Variants in RASAL2 observed in about 807,000 individuals in gnomAD.
RASAL2 encodes the protein ras GTPase-activating protein nGAP.
RASAL2 carries 58 observed loss-of-function variants against 128.9 expected under a neutral mutation model. The ratio of observed to expected loss-of-function variants is 0.45; its 90% CI spans 0.36 to 0.56. The LOEUF is 0.56. Among genes scored for constraint, RASAL2 ranks in the 20% least tolerant of loss-of-function variants. The pLI, the probability that RASAL2 is intolerant of heterozygous loss-of-function variation, is 0.00. For missense variants in RASAL2, 1,360 were observed against 1,601.6 expected, an observed-to-expected ratio of 0.85 and a Z score of 2.57; for synonymous variants, 561 against 580.8, an observed-to-expected ratio of 0.97 and a Z score of 0.49.
intron 3 of RASAL2, among the ~76,000 whole-genome samples, chr1:178,371,861 T>G (rs1047434878): frequency 3.9e-5 from 6 of 152,226 alleles, no homozygotes; most frequent in African/African-American, 1.2e-4. Context: ...GGAACCTGTT[T>G]CTTTTTCTTT....
At position 178,390,092 on chromosome 1, in the gene RASAL2, T is replaced by C. The variant is rs752286353; in HGVS notation, c.458-8T>C. ...TAATGATGTTTCAACTTTCCTCCTT[T>C]TTTCCAGAGGTACCAGCAGAAAGGT... On this transcript the variant is annotated splice_region_variant and splice_polypyrimidine_tract_variant and intron_variant, in intron 3 of 17. Coordinates refer to ENST00000367649, the MANE Select transcript of RASAL2 (RefSeq NM_170692.4). The C allele has an allele frequency of 2.5e-6, 4 of 1,584,212 alleles. No individual in the cohort carries two copies. Among genetic ancestry groups the C allele is most frequent in the Non-Finnish European group, 3.4e-6 (4 of 1,167,050 alleles).
At chr1:178,290,676 T>G (rs768044317) in intron 2 of RASAL2, among the ~76,000 whole-genome samples, 15 of 152,162 alleles carry the variant, frequency 9.9e-5, no homozygotes, top group Non-Finnish European at 2.1e-4. Flanking sequence ...TTTATTTTTT[T>G]GTTTGTTTTT....
chr1:178,130,630 C>G (rs986740792), intron 1 of RASAL2, among the ~76,000 whole-genome samples: 4 of 152,140 alleles, frequency 2.6e-5, no homozygotes, highest in Non-Finnish European at 4.4e-5. Context: ...TAGTCCTGGT[C>G]TTTAGATGCT....
At chr1:178,246,989 C>A (rs1341543123) in intron 1 of RASAL2, among the ~76,000 whole-genome samples, 2 of 152,092 alleles carry the variant, frequency 1.3e-5, no homozygotes, top group Admixed American at 6.6e-5. Flanking sequence ...TGAGGATTAT[C>A]ACATCGATGT....
At chr1:178,226,034 A>G (rs979832418) in intron 1 of RASAL2, among the ~76,000 whole-genome samples, 2 of 152,176 alleles carry the variant, frequency 1.3e-5, no homozygotes, top group Non-Finnish European at 2.9e-5. Context: ...GGTGAACTTG[A>G]CTGAATTACA....
At chr1:178,151,488 T>C (rs1031082339) in intron 1 of RASAL2, among the ~76,000 whole-genome samples, 10 of 152,330 alleles carry the variant, frequency 6.6e-5, no homozygotes, top group Admixed American at 6.5e-4. Context: ...GATGAAAATG[T>C]TGTGACCAGA....
chr1:178,260,417 A>G (rs1261185332), intron 1 of RASAL2, among the ~76,000 whole-genome samples: 2 of 97,432 alleles, frequency 2.1e-5, no homozygotes. Flanking sequence ...TATATATATG[A>G]TAATAATTTT....
intron 2 of RASAL2, among the ~76,000 whole-genome samples, chr1:178,284,464 G>A (rs908338130): frequency 1.5e-4 from 23 of 152,192 alleles, no homozygotes; most frequent in African/African-American, 4.8e-4. Flanking sequence ...AGGTCAAGAA[G>A]GGCAGAGAGT....
intron 3 of RASAL2, among the ~76,000 whole-genome samples, chr1:178,361,051 C>A (rs1671079876): frequency 1.3e-5 from 2 of 152,078 alleles, no homozygotes; most frequent in South Asian, 4.1e-4. Flanking sequence ...AAATCTTTTT[C>A]TAATTTGTCT....
At chr1:178,287,224 G>GA (rs1324025275) in intron 2 of RASAL2, among the ~76,000 whole-genome samples, 6 of 151,466 alleles carry the variant, frequency 4.0e-5, no homozygotes, top group African/African-American at 1.5e-4. Context: ...TGTATCTGGA[G>GA]AAAATTACAC....
intron 1 of RASAL2, among the ~76,000 whole-genome samples, chr1:178,110,285 C>T (rs1443315267): frequency 6.6e-6 from 1 of 151,704 alleles, no homozygotes; most frequent in Non-Finnish European, 1.5e-5. Flanking sequence ...ACATTAATCC[C>T]TCATTATTTA....
chr1:178,148,825 A>C (rs1660816302), intron 1 of RASAL2, among the ~76,000 whole-genome samples: 1 of 152,160 alleles, frequency 6.6e-6, no homozygotes, highest in Admixed American at 6.5e-5. Context: ...CACTTATATG[A>C]ATATCAATAT....
At chr1:178,394,815 C>T (rs918746685) in intron 4 of RASAL2, among the ~76,000 whole-genome samples, 1 of 152,126 alleles carries the variant, frequency 6.6e-6, no homozygotes, top group East Asian at 1.9e-4. Flanking sequence ...CACTGTGACA[C>T]CTAAGCATTC....
At chr1:178,298,179 A>T (rs1667602700) in intron 2 of RASAL2, among the ~76,000 whole-genome samples, 1 of 152,116 alleles carries the variant, frequency 6.6e-6, no homozygotes, top group South Asian at 2.1e-4. Context: ...TATCAGTGAT[A>T]CTCTTTTAAT....
intron 1 of RASAL2, among the ~76,000 whole-genome samples, chr1:178,110,688 A>G (rs1659286816): frequency 6.8e-6 from 1 of 147,530 alleles, no homozygotes; most frequent in South Asian, 2.1e-4. Context: ...TCCAGGTTCA[A>G]GGTATTCTCA....
At chr1:178,462,722 G>A (rs749408094) in intron 14 of RASAL2, among the ~76,000 whole-genome samples, 3 of 152,004 alleles carry the variant, frequency 2.0e-5, no homozygotes, top group Non-Finnish European at 2.9e-5. Context: ...AAAGTGCTAG[G>A]ATATATTAGG....
intron 1 of RASAL2, among the ~76,000 whole-genome samples, chr1:178,275,244 T>C (rs1009491543): frequency 3.3e-5 from 5 of 152,226 alleles, no homozygotes; most frequent in African/African-American, 1.2e-4. Flanking sequence ...GCAGTGGCTA[T>C]TGAGAGCACA....
At chr1:178,154,857 C>G (rs1325014326) in intron 1 of RASAL2, among the ~76,000 whole-genome samples, 2 of 152,086 alleles carry the variant, frequency 1.3e-5, no homozygotes, top group East Asian at 3.9e-4. Flanking sequence ...GAGTTTCACT[C>G]TTGTTGCCCA....
intron 3 of RASAL2, among the ~76,000 whole-genome samples, chr1:178,366,605 C>T (rs1284149874): frequency 9.5e-6 from 1 of 105,768 alleles, no homozygotes; most frequent in Non-Finnish European, 1.8e-5. Context: ...CAAAAAAAAA[C>T]ACAGATTATA....
Sources: gnomAD v4.1 joint callset for allele counts (sites outside exome capture counted in the v4.1 genomes callset) on GRCh38, gnomAD v4.1.1 for gene constraint, MANE v1.5 for transcripts, NCBI Gene and HGNC (gene_info 2026-07-23, HGNC 2026-07-21) for gene names.